SSBP3: variants seen among roughly 807,000 people sequenced by gnomAD.
The protein encoded by SSBP3 is single-stranded DNA-binding protein 3.
In SSBP3, 5 loss-of-function variants were observed where a neutral mutation model predicts 69.6. That is an observed-to-expected ratio of 0.07 (90% CI 0.04 to 0.15). SSBP3 has a LOEUF of 0.15. SSBP3 is among the 10% of genes least tolerant of loss of function. The pLI is 1.00. For missense variants in SSBP3, 312 were observed against 534.0 expected (o/e 0.58, Z 4.10); for synonymous variants, 196 against 193.4 (o/e 1.01, Z -0.11).
At position 54,335,433 on chromosome 1, in the gene SSBP3, C is replaced by T. The variant is rs150646857; in HGVS notation, c.277-53906G>A. ...AAAGGAGACAAGAGACAAAAACCACCTTCCAGACTCTGGGCCCCGGCAACT... is the reference window on the plus strand; with the variant it reads ...AAAGGAGACAAGAGACAAAAACCACTTTCCAGACTCTGGGCCCCGGCAACT... On this transcript the variant is annotated intron_variant, in intron 4 of 17. Transcript: ENST00000610401. Among the ~76,000 whole-genome samples, 583 of 152,272 alleles carry T rather than the reference C, an allele frequency of 3.8e-3. 7 individuals carry two copies. The highest frequency in any genetic ancestry group is 0.013 in the African/African-American group (541 of 41,550).
At chr1:54,375,336 CTGCA>C (rs537753571) in intron 4 of SSBP3, among the ~76,000 whole-genome samples, 1 of 125,712 alleles carries the variant, frequency 8.0e-6, no homozygotes, top group South Asian at 2.3e-4. Flanking sequence ...GGGGATCACA[CTGCA>C]TGCATGCATG....
At chr1:54,410,827 T>A (rs1303007127), upstream of SSBP3, among the ~76,000 whole-genome samples, 1 of 152,176 alleles carries the variant, frequency 6.6e-6, no homozygotes, top group Non-Finnish European at 1.5e-5. Context: ...CCTACTAGGC[T>A]ATTAGTCAGT....
intron 1 of SSBP3, chr1:54,413,003 C>T (rs4927097): frequency 0.34 from 52,110 of 152,066 alleles, 10,524 homozygotes; most frequent in South Asian, 0.51. Context: ...TGTGAGCCAC[C>T]GCGCCTGGCC....
chr1:54,348,240 TGGGGGGCGGGGGG>T lies in SSBP3; in HGVS notation c.276+53608_276+53620del, dbSNP rs1646721254. Among the ~76,000 whole-genome samples, 4 of 1,606 alleles carry T rather than the reference TGGGGGGCGGGGGG, an allele frequency of 2.5e-3. 1 individual carries two copies. In the South Asian group the frequency reaches 0.068, roughly 27 times the overall value. 1.1% of individuals were successfully genotyped at this position (1,606 alleles called of 152,430 possible). The stretch of plus-strand genomic sequence containing the variant: ...CACAAGGTTTGGGAAATAGAAGGCA[TGGGGGGCGGGGGG>T]GGGGGGGCGGGTGAGGACAGGTGGA... On this transcript the variant is annotated intron_variant, in intron 4 of 17. Coordinates refer to ENST00000610401, the Ensembl canonical transcript of SSBP3.
chr1:54,251,683 T>C (rs1644832104), exon 9 of SSBP3: 2 of 1,557,290 alleles, frequency 1.3e-6, no homozygotes, highest in Admixed American at 3.9e-5. Flanking sequence ...TCCTCCCATG[T>C]TGGGGTGGCC....
At chr1:54,294,095 A>T (rs1645654867) in intron 4 of SSBP3, among the ~76,000 whole-genome samples, 1 of 142,638 alleles carries the variant, frequency 7.0e-6, no homozygotes, top group Non-Finnish European at 1.5e-5. Flanking sequence ...GTGAGCCGAG[A>T]TCACGCCACT....
Position 54,342,131 on chromosome 1 carries a change from TG to T in SSBP3, c.276+59729del, listed in dbSNP as rs557682460. ...CGGAGAGCACCAGGAGAGGTACTGA[TG>T]GCCCAAGGCACAGGAAAGCAGCGCA... On this transcript the variant is annotated intron_variant, in intron 4 of 17. Coordinates refer to ENST00000610401, the Ensembl canonical transcript of SSBP3. Among the ~76,000 whole-genome samples the T allele has an allele frequency of 2.9e-3, 446 of 152,306 alleles. 5 individuals are homozygous for T. Among genetic ancestry groups the T allele is most frequent in the African/African-American group, 0.01 (419 of 41,572 alleles).
At chr1:54,292,386 G>A (rs1645623148) in intron 4 of SSBP3, among the ~76,000 whole-genome samples, 1 of 152,190 alleles carries the variant, frequency 6.6e-6, no homozygotes, top group African/African-American at 2.4e-5. Flanking sequence ...CCTTCTCAGA[G>A]CCCCAGATGC....
intron 4 of SSBP3, among the ~76,000 whole-genome samples, chr1:54,372,241 G>C (rs1647147163): frequency 6.6e-6 from 1 of 152,208 alleles, no homozygotes; most frequent in Admixed American, 6.5e-5. Context: ...GGTTGGTCTG[G>C]AGGATTAAAC....
At chr1:54,294,141 TCAAA>T (rs1645656473) in intron 4 of SSBP3, among the ~76,000 whole-genome samples, 1 of 9,910 alleles carries the variant, frequency 1.0e-4, no homozygotes, top group Non-Finnish European at 1.8e-4. Context: ...AGACTCCATC[TCAAA>T]AAAAAAAAAA....
intron 10 of SSBP3, among the ~76,000 whole-genome samples, chr1:54,242,663 C>T (rs939517253): frequency 2.0e-5 from 3 of 152,112 alleles, no homozygotes; most frequent in Admixed American, 6.5e-5. Flanking sequence ...ATAATAACCG[C>T]GTCAGGCCGG....
In SSBP3 at chr1:54,282,011, G is replaced by A. The variant is rs144506577; in HGVS notation, c.277-484C>T. Among the ~76,000 whole-genome samples, 95 of 150,494 alleles carry A rather than the reference G, an allele frequency of 6.3e-4. No individual in the cohort carries two copies. The East Asian group carries it at 0.013, about 20-fold the overall frequency. On this transcript the variant is annotated intron_variant, in intron 4 of 17. Transcript: ENST00000610401. ...CTCGGGAGGTTGAGGTCAGAGGATC[G>A]CTTGAGCCCAAAAGGTTCAGCCCTA...
At chr1:54,406,059 G>T in exon 1 of SSBP3, 1 of 1,407,174 alleles carries the variant, frequency 7.1e-7, no homozygotes, top group South Asian at 1.4e-5. Flanking sequence ...CGCCGCCGCC[G>T]CTACCGCTCC....
intron 13 of SSBP3, among the ~76,000 whole-genome samples, chr1:54,240,069 TGTGTGTGTGTGTGTGTGTGCGCGCGC>T (rs1293581508): frequency 1.3e-3 from 34 of 25,620 alleles, no homozygotes; most frequent in Admixed American, 6.9e-3. Context: ...TGTGTGTGTG[TGTGTGTGTGTGTGTGTGTGCGCGCGC>T]GCGCGTGTGC....
chr1:54,251,930 C>T (rs1045961462), intron 7 of SSBP3, 70 bp from the exon 8 acceptor site: 1 of 1,342,850 alleles, frequency 7.4e-7, no homozygotes, highest in Admixed American at 1.8e-5. Flanking sequence ...AGGCATCTAC[C>T]TGTCCCACCC....
intron 13 of SSBP3, among the ~76,000 whole-genome samples, chr1:54,240,109 C>CGT (rs771403995): frequency 6.5e-4 from 2 of 3,086 alleles, no homozygotes; most frequent in Non-Finnish European, 1.6e-3. Flanking sequence ...CGTGTGCGTG[C>CGT]GCGCGCGCGC....
At chr1:54,394,482 G>A (rs1030400948) in intron 4 of SSBP3, among the ~76,000 whole-genome samples, 2 of 150,834 alleles carry the variant, frequency 1.3e-5, no homozygotes, top group South Asian at 4.2e-4. Flanking sequence ...GACTGCATCT[G>A]TCTCTTCAAC....
chr1:54,227,587 T>C (rs1266167367), intron 17 of SSBP3, among the ~76,000 whole-genome samples: 1 of 152,060 alleles, frequency 6.6e-6, no homozygotes, highest in African/African-American at 2.4e-5. Context: ...CTTTTCTGTT[T>C]TTCTTTTTGA....
At chr1:54,402,113 C>A (rs995657660) in intron 3 of SSBP3, among the ~76,000 whole-genome samples, 168 bp from the exon 4 acceptor site, 1 of 152,268 alleles carries the variant, frequency 6.6e-6, no homozygotes, top group African/African-American at 2.4e-5. Context: ...CGTCCAACTT[C>A]TTCTGGCAAG....
Sources: allele counts gnomAD v4.1 joint callset (sites outside exome capture counted in the v4.1 genomes callset), GRCh38; gene constraint gnomAD v4.1.1; transcripts MANE v1.5; gene names NCBI Gene and HGNC (gene_info 2026-07-23, HGNC 2026-07-21).